The following BANP variants were observed in gnomAD, a reference collection of about 807,000 sequenced individuals.
BANP encodes the protein protein BANP.
A neutral mutation model predicts 68.1 loss-of-function variants in BANP; 11 were observed. The observed-to-expected ratio is 0.16, with a 90% CI of 0.10 to 0.27. The LOEUF (loss-of-function observed/expected upper bound fraction) is 0.27, where lower values mean the gene tolerates loss of function less well. Among genes scored for constraint, BANP ranks in the 10% least tolerant of loss-of-function variants. The pLI is 1.00. For missense variants in BANP, 504 were observed against 722.7 expected, an observed-to-expected ratio of 0.70 and a Z score of 3.47; for synonymous variants, 329 against 303.2, an observed-to-expected ratio of 1.09 and a Z score of -0.88.
chr16:88,075,976 C>T (rs1368973993), intron 13 of BANP, among the ~76,000 whole-genome samples: 1 of 152,122 alleles, frequency 6.6e-6, no homozygotes, highest in Admixed American at 6.5e-5. Flanking sequence ...GAACTCCTGA[C>T]CTCAAGTGAT....
chr16:88,059,562 C>T (rs2086127342), intron 11 of BANP, among the ~76,000 whole-genome samples: 1 of 152,098 alleles, frequency 6.6e-6, no homozygotes. Flanking sequence ...CCCTCCCCAT[C>T]CCCATACCAT....
intron 7 of BANP, among the ~76,000 whole-genome samples, chr16:88,022,024 G>A (rs1446676073): frequency 6.6e-6 from 1 of 152,126 alleles, no homozygotes; most frequent in Admixed American, 6.5e-5. Context: ...GCTTTTTGGG[G>A]TGTTGGCTTT....
chr16:88,071,969 G>A lies in BANP; in HGVS notation c.1378-100G>A, dbSNP rs966120725. 3.4e-6 allele frequency: 5 copies of A among 1,474,262 alleles called. No homozygotes were observed. Among genetic ancestry groups the A allele is most frequent in the Non-Finnish European group, 4.6e-6 (5 of 1,093,024 alleles). 91.3% of individuals were successfully genotyped at this position (1,474,262 alleles called of 1,614,324 possible). A position where few individuals can be genotyped will look rare whatever the true frequency, so the allele number is the denominator to read the frequency against. ...CCGTGTCCCTGCCGCTCAGGGGACAGCACGTGTGGGCTGGGGTCTGCGGTC... is the reference window on the plus strand; with the variant it reads ...CCGTGTCCCTGCCGCTCAGGGGACAACACGTGTGGGCTGGGGTCTGCGGTC... On this transcript the variant is annotated intron_variant, in intron 12 of 13. Transcript: ENST00000682872. This position sits in a 1 kb window ranked among gnomAD's most constrained non-coding sequence, Gnocchi z 6.5.
At chr16:87,952,134 G>A (rs918093460) in intron 1 of BANP, 1 of 152,314 alleles carries the variant, frequency 6.6e-6, no homozygotes, top group African/African-American at 2.4e-5. Flanking sequence ...TGCGATTTCT[G>A]TGATCTAGTC....
intron 8 of BANP, among the ~76,000 whole-genome samples, chr16:88,032,314 G>A (rs1053539720): frequency 1.5e-4 from 23 of 151,696 alleles, no homozygotes; most frequent in African/African-American, 5.6e-4. Flanking sequence ...TGATTCTCCT[G>A]CCTCAGCCTC....
intron 11 of BANP, among the ~76,000 whole-genome samples, chr16:88,056,183 G>A (rs959399908): frequency 1.3e-5 from 2 of 152,254 alleles, no homozygotes; most frequent in Admixed American, 6.5e-5. Context: ...CTTGCCGCAT[G>A]CAGCAGAGTG....
intron 1 of BANP, among the ~76,000 whole-genome samples, chr16:87,954,897 T>G (rs1393856964): frequency 1.3e-5 from 2 of 152,260 alleles, no homozygotes; most frequent in Admixed American, 6.5e-5. Flanking sequence ...TCCACCTTCC[T>G]GCTTCCTTGT....
At position 88,034,022 on chromosome 16, in the gene BANP, G is replaced by A. The variant is rs540872180; in HGVS notation, c.1200+777G>A. ...TTGGGCCCTCTGAAGACAGGTCATC[G>A]TGTGCCTCCGTGTCACCAGGGCTTT... On this transcript the variant is annotated intron_variant, in intron 9 of 13. Coordinates refer to ENST00000682872, the MANE Select transcript of BANP (RefSeq NM_001386991.1). Among the ~76,000 whole-genome samples the A allele has an allele frequency of 6.6e-5, 10 of 152,290 alleles. No homozygotes were observed. In the South Asian group the frequency reaches 8.3e-4, roughly 13 times the overall value.
At chr16:87,958,964 T>C (rs2058611635) in intron 1 of BANP, among the ~76,000 whole-genome samples, 1 of 152,198 alleles carries the variant, frequency 6.6e-6, no homozygotes, top group Admixed American at 6.5e-5. Flanking sequence ...AGGGAGGACC[T>C]TGCGGCGCCT....
chr16:88,012,510 C>T (rs1165541488), intron 6 of BANP, among the ~76,000 whole-genome samples: 1 of 152,140 alleles, frequency 6.6e-6, no homozygotes, highest in Non-Finnish European at 1.5e-5. Context: ...ACCGTGCAGC[C>T]CAGTGACTCG....
At chr16:88,060,684 G>A in intron 11 of BANP, among the ~76,000 whole-genome samples, 1 of 152,158 alleles carries the variant, frequency 6.6e-6, no homozygotes, top group African/African-American at 2.4e-5. Flanking sequence ...CGTCAGCTCT[G>A]GGCTGGCATC....
At position 88,002,961 on chromosome 16, in the gene BANP, T is replaced by C. The variant is rs1442458422; in HGVS notation, c.363-1334T>C. 2.0e-5 allele frequency among the ~76,000 whole-genome samples: 3 copies of C among 152,080 alleles called. No individual in the cohort carries two copies. The highest frequency in any genetic ancestry group is 2.9e-5 in the Non-Finnish European group (2 of 67,992). On this transcript the variant is annotated intron_variant, in intron 4 of 13. Coordinates refer to ENST00000682872, the MANE Select transcript of BANP (RefSeq NM_001386991.1). This position sits in a 1 kb window ranked among gnomAD's most constrained non-coding sequence, Gnocchi z 4.6. ...GGGACACCAGCCTTCCCACATGCTGTGAGCCTAGGATCCCGGGGCCACCAG... is the reference window on the plus strand; with the variant it reads ...GGGACACCAGCCTTCCCACATGCTGCGAGCCTAGGATCCCGGGGCCACCAG...
At chr16:88,075,382 G>A (rs2091374870) in intron 13 of BANP, among the ~76,000 whole-genome samples, 1 of 152,094 alleles carries the variant, frequency 6.6e-6, no homozygotes, top group African/African-American at 2.4e-5. Context: ...GTGCACTGGT[G>A]GTCCCAGCTA....
At position 87,984,051 on chromosome 16, in the gene BANP, C is replaced by T; in HGVS notation, c.163-9C>T. 2 of 1,613,498 alleles carry T rather than the reference C, an allele frequency of 1.2e-6. No individual in the cohort carries two copies. Among genetic ancestry groups the T allele is most frequent in the Non-Finnish European group, 1.7e-6 (2 of 1,179,720 alleles). On this transcript the variant is annotated splice_polypyrimidine_tract_variant and intron_variant, in intron 3 of 13. Transcript: ENST00000682872. ...ACCCTTCCTAAAGCCGGTCTTTTTT[C>T]ACTTCCAGTCATTCCTGTATTCCAT...
intron 10 of BANP, among the ~76,000 whole-genome samples, 188 bp downstream of exon 10, chr16:88,035,582 C>T (rs963664434): frequency 6.6e-6 from 1 of 152,222 alleles, no homozygotes; most frequent in Non-Finnish European, 1.5e-5. Context: ...TCTGCCTCCC[C>T]CTCCTGTCCG....
chr16:87,962,143 G>C (rs2059273225), intron 1 of BANP, among the ~76,000 whole-genome samples: 1 of 149,768 alleles, frequency 6.7e-6, no homozygotes, highest in African/African-American at 2.5e-5. Flanking sequence ...TGGAGGCTGA[G>C]GCAGGAGAAT....
At chr16:88,005,733 T>C (rs899170592) in intron 5 of BANP, among the ~76,000 whole-genome samples, 18 of 152,344 alleles carry the variant, frequency 1.2e-4, no homozygotes, top group Admixed American at 9.8e-4. Context: ...GTTTTCCTCA[T>C]TTAGTCTTCC....
intron 13 of BANP, among the ~76,000 whole-genome samples, chr16:88,075,908 G>T (rs1383227701): frequency 2.1e-5 from 3 of 141,864 alleles, no homozygotes; most frequent in Non-Finnish European, 4.6e-5. Context: ...CGCCACACCG[G>T]CTAATTTTTG....
intron 4 of BANP, among the ~76,000 whole-genome samples, chr16:87,999,096 G>A (rs1371476740): frequency 3.1e-3 from 275 of 88,184 alleles, no homozygotes; most frequent in Middle Eastern, 0.026. Context: ...GGCTGTACTT[G>A]CCTGTCCTTC....
Sources: gnomAD v4.1 joint callset for allele counts (sites outside exome capture counted in the v4.1 genomes callset) on GRCh38, gnomAD v4.1.1 for gene constraint, Gnocchi (gnomAD v3.1) non-coding constraint, MANE v1.5 for transcripts, NCBI Gene and HGNC (gene_info 2026-07-23, HGNC 2026-07-21) for gene names.